Variants in RCSD1 observed in about 807,000 individuals in gnomAD.
The protein encoded by RCSD1 is RCSD domain containing 1.
Under a neutral mutation model 42.5 loss-of-function variants are expected in RCSD1, and 26 were observed. The ratio of observed to expected loss-of-function variants is 0.61; its 90% CI spans 0.45 to 0.85. RCSD1 has a LOEUF of 0.85. Among genes scored for constraint, RCSD1 ranks in the 40% least tolerant of loss-of-function variants. The pLI is 0.00. For synonymous variants in RCSD1, 220 were observed against 212.2 expected, an observed-to-expected ratio of 1.04 and a Z score of -0.32; for missense variants, 571 against 528.3, an observed-to-expected ratio of 1.08 and a Z score of -0.79.
intron 2 of RCSD1, 90 bp from the exon 3 acceptor site, chr1:167,685,331 A>T: frequency 1.0e-6 from 1 of 1,001,824 alleles, no homozygotes; most frequent in Non-Finnish European, 1.5e-6. Context: ...AACCTTCCTG[A>T]AACCAGTTTC....
chr1:167,641,591 G>A (rs1658006531), intron 1 of RCSD1: 1 of 152,188 alleles, frequency 6.6e-6, no homozygotes, highest in Non-Finnish European at 1.5e-5. Flanking sequence ...GGTGGTGCAT[G>A]CCTGTAATCC....
chr1:167,654,485 A>G (rs897386089), intron 1 of RCSD1, among the ~76,000 whole-genome samples: 1 of 152,208 alleles, frequency 6.6e-6, no homozygotes, highest in African/African-American at 2.4e-5. Flanking sequence ...TACACAAGGA[A>G]CAATACTTAA....
At chr1:167,662,362 T>C (rs1351622619) in intron 1 of RCSD1, among the ~76,000 whole-genome samples, 1 of 152,156 alleles carries the variant, frequency 6.6e-6, no homozygotes, top group African/African-American at 2.4e-5. Flanking sequence ...CACACTCGTG[T>C]GTGTATGTGG....
At chr1:167,648,728 G>C (rs1658229328) in intron 1 of RCSD1, among the ~76,000 whole-genome samples, 1 of 152,196 alleles carries the variant, frequency 6.6e-6, no homozygotes, top group South Asian at 2.1e-4. Context: ...GGGGACACCA[G>C]GACACCAAGA....
chr1:167,694,479 G>A (rs779070197), intron 5 of RCSD1, among the ~76,000 whole-genome samples, 177 bp downstream of exon 5: 3 of 152,212 alleles, frequency 2.0e-5, no homozygotes, highest in Non-Finnish European at 2.9e-5. Flanking sequence ...CCCTGAACTA[G>A]GATCACCTTT....
At chr1:167,673,054 A>G (rs1658850449) in intron 1 of RCSD1, among the ~76,000 whole-genome samples, 1 of 152,200 alleles carries the variant, frequency 6.6e-6, no homozygotes, top group African/African-American at 2.4e-5. Flanking sequence ...GACACTCAGG[A>G]AAGAGGCAGA....
intron 6 of RCSD1, among the ~76,000 whole-genome samples, chr1:167,703,070 T>A (rs1421874417): frequency 6.6e-6 from 1 of 152,202 alleles, no homozygotes; most frequent in Non-Finnish European, 1.5e-5. Context: ...AATACATCCT[T>A]CTCTTGAGAA....
intron 1 of RCSD1, among the ~76,000 whole-genome samples, chr1:167,656,169 G>A (rs926903024): frequency 2.0e-5 from 3 of 152,094 alleles, no homozygotes; most frequent in Admixed American, 6.5e-5. Flanking sequence ...AAGAAACTAC[G>A]GCTCAGGATG....
intron 1 of RCSD1, among the ~76,000 whole-genome samples, chr1:167,643,449 T>C: frequency 6.6e-6 from 1 of 152,270 alleles, no homozygotes; most frequent in East Asian, 1.9e-4. Flanking sequence ...CCACACTTTA[T>C]TGTCAAAGTA....
chr1:167,695,464 G>A (rs1016042150), intron 5 of RCSD1, among the ~76,000 whole-genome samples: 14 of 152,214 alleles, frequency 9.2e-5, no homozygotes, highest in Admixed American at 4.6e-4. Flanking sequence ...CTTAGATGGG[G>A]AACTAGGATT....
At chr1:167,636,765 T>C (rs1176144064) in intron 1 of RCSD1, among the ~76,000 whole-genome samples, 2 of 152,116 alleles carry the variant, frequency 1.3e-5, no homozygotes, top group African/African-American at 2.4e-5. Context: ...TTTGTGTTTT[T>C]AGTAGAGATG....
chr1:167,663,964 G>A (rs1225930987), intron 1 of RCSD1: 1 of 152,172 alleles, frequency 6.6e-6, no homozygotes, highest in African/African-American at 2.4e-5. Flanking sequence ...TTTACAAGTG[G>A]GGAAACTAAG....
chr1:167,689,818 C>T (rs772897553), intron 3 of RCSD1, among the ~76,000 whole-genome samples: 3 of 152,122 alleles, frequency 2.0e-5, no homozygotes, highest in East Asian at 1.9e-4. Flanking sequence ...TTAAGGATGT[C>T]GGCGCTGACT....
chr1:167,669,296 T>C (rs1658745569), intron 1 of RCSD1, among the ~76,000 whole-genome samples: 2 of 152,248 alleles, frequency 1.3e-5, no homozygotes, highest in African/African-American at 4.8e-5. Flanking sequence ...AAAAAGTTCT[T>C]TTTTCTTCCT....
intron 1 of RCSD1, among the ~76,000 whole-genome samples, chr1:167,642,320 GA>G (rs1658026267): frequency 7.8e-6 from 1 of 127,398 alleles, no homozygotes; most frequent in South Asian, 2.6e-4. Flanking sequence ...AGCCGAGGGA[GA>G]AAGTGTTTAT....
rs60373970 is a variant in RCSD1, at chr1:167,632,699, GTCACTAA to G, written c.6+2271_6+2277del. On this transcript the variant is annotated intron_variant, in intron 1 of 6. Coordinates refer to ENST00000367854, the MANE Select transcript of RCSD1 (RefSeq NM_052862.4). ...TCACCCTGCGTCTCACATCCAGTAG[GTCACTAA>G]GCCTAGTCCATCAATTTGCTGGTTG... is the stretch of plus-strand genomic sequence containing the variant. 5.1e-3 allele frequency among the ~76,000 whole-genome samples: 780 copies of G among 151,650 alleles called. 3 individuals carry two copies. The highest frequency in any genetic ancestry group is 0.012 in the East Asian group (64 of 5,178).
intron 1 of RCSD1, among the ~76,000 whole-genome samples, chr1:167,677,576 A>C (rs138094054): frequency 8.7e-4 from 132 of 152,326 alleles, no homozygotes; most frequent in African/African-American, 2.9e-3. Flanking sequence ...ATAAGAGACA[A>C]ATGGTTTCAC....
intron 1 of RCSD1, among the ~76,000 whole-genome samples, chr1:167,660,095 A>C (rs756287558): frequency 1.2e-4 from 18 of 152,224 alleles, no homozygotes; most frequent in Non-Finnish European, 2.6e-4. Flanking sequence ...CTCCATGCTT[A>C]ATAGCTTGCA....
rs564485293 is a variant in RCSD1, at chr1:167,708,052, T to C, written c.*3356T>C. Among the ~76,000 whole-genome samples, 79 of 152,256 alleles carry C rather than the reference T, an allele frequency of 5.2e-4. 1 individual carries two copies. Among genetic ancestry groups the C allele is most frequent in the Admixed American group, 5.1e-3 (78 of 15,286 alleles). On this transcript the variant is annotated 3_prime_UTR_variant, in exon 7 of 7. Transcript: ENST00000367854. ...AAACCCAGTGAAAGGGCTTATTCTT[T>C]CACCATTACTGTGGGGAAAAAGTCC...
Sources: allele counts gnomAD v4.1 joint callset (sites outside exome capture counted in the v4.1 genomes callset), GRCh38; gene constraint gnomAD v4.1.1; transcripts MANE v1.5; gene names NCBI Gene and HGNC (gene_info 2026-07-23, HGNC 2026-07-21).